Variants in SPAG17 observed in about 807,000 individuals in gnomAD.
SPAG17 encodes sperm-associated antigen 17.
A neutral mutation model predicts 273.6 loss-of-function variants in SPAG17; 169 were observed. That is an observed-to-expected ratio of 0.62 (90% CI 0.55 to 0.70). The LOEUF is 0.70. Ranked by LOEUF, SPAG17 falls within the 30% of genes least tolerant of loss-of-function variation. SPAG17 has a pLI of 0.00. For missense variants in SPAG17, 2,557 were observed against 2,627.8 expected (o/e 0.97, Z 0.59); for synonymous variants, 825 against 873.2 (o/e 0.94, Z 0.97).
intron 3 of SPAG17, among the ~76,000 whole-genome samples, chr1:118,122,588 A>T (rs1657485153): frequency 6.6e-6 from 1 of 152,178 alleles, no homozygotes; most frequent in Non-Finnish European, 1.5e-5. Context: ...GAATCCCTGT[A>T]TTCCACCGAG....
intron 3 of SPAG17, among the ~76,000 whole-genome samples, chr1:118,140,488 C>A (rs1558040330): frequency 1.3e-5 from 2 of 151,700 alleles, no homozygotes; most frequent in African/African-American, 4.8e-5. Flanking sequence ...TGTCAATTTA[C>A]AATAAAAAGG....
chr1:118,041,585 A>G (rs1252627460), intron 21 of SPAG17, among the ~76,000 whole-genome samples: 1 of 152,110 alleles, frequency 6.6e-6, no homozygotes, highest in Non-Finnish European at 1.5e-5. Context: ...GTGGCACTCA[A>G]ATAAAAACTG....
chr1:118,176,962 T>C (rs1251203959), intron 1 of SPAG17, among the ~76,000 whole-genome samples: 11 of 151,774 alleles, frequency 7.2e-5, no homozygotes, highest in Non-Finnish European at 1.6e-4. Context: ...AATTGGTCAA[T>C]GAAAAAATTA....
intron 4 of SPAG17, among the ~76,000 whole-genome samples, chr1:118,109,854 G>A (rs911181107): frequency 1.3e-5 from 2 of 152,040 alleles, no homozygotes; most frequent in Non-Finnish European, 2.9e-5. Context: ...TTGAGAGACC[G>A]TAGGTTAAAC....
intron 1 of SPAG17, among the ~76,000 whole-genome samples, chr1:118,176,120 A>G (rs1391703759): frequency 6.6e-6 from 1 of 152,204 alleles, no homozygotes; most frequent in Admixed American, 6.5e-5. Context: ...AAAAATAAAA[A>G]GAAACAAATT....
chr1:117,975,915 A>G (rs1203347333), intron 43 of SPAG17, among the ~76,000 whole-genome samples: 3 of 152,206 alleles, frequency 2.0e-5, no homozygotes, highest in Admixed American at 6.5e-5. Flanking sequence ...AATAGTAAAT[A>G]TGGTATGGAG....
intron 25 of SPAG17, among the ~76,000 whole-genome samples, chr1:118,031,451 A>C (rs1355269475): frequency 1.3e-5 from 2 of 152,174 alleles, no homozygotes; most frequent in Admixed American, 1.3e-4. Flanking sequence ...AAGTTTTTCC[A>C]AACTTAGAAT....
intron 2 of SPAG17, 28 bp from the exon 3 acceptor site, chr1:118,150,657 TG>T: frequency 7.9e-7 from 1 of 1,272,100 alleles, no homozygotes; most frequent in Non-Finnish European, 1.1e-6. Flanking sequence ...TTACTTATGA[TG>T]AAAAAAGCCT....
intron 1 of SPAG17, among the ~76,000 whole-genome samples, chr1:118,163,328 C>T (rs999071613): frequency 1.3e-5 from 2 of 152,150 alleles, no homozygotes; most frequent in African/African-American, 2.4e-5. Context: ...GCAGAGGTCA[C>T]TTGAAGAATT....
At chr1:118,179,895 T>C (rs1193238597) in intron 1 of SPAG17, among the ~76,000 whole-genome samples, 1 of 151,926 alleles carries the variant, frequency 6.6e-6, no homozygotes, top group Admixed American at 6.6e-5. Context: ...CAATGAGATA[T>C]CATCCCACCC....
chr1:118,009,548 G>A (rs867542617), intron 30 of SPAG17, among the ~76,000 whole-genome samples: 3 of 151,310 alleles, frequency 2.0e-5, no homozygotes, highest in African/African-American at 7.2e-5. Flanking sequence ...CCTTTCTGAC[G>A]AAAGACATGC....
intron 30 of SPAG17, among the ~76,000 whole-genome samples, chr1:118,010,950 G>A (rs534783907): frequency 6.6e-6 from 1 of 152,054 alleles, no homozygotes; most frequent in Non-Finnish European, 1.5e-5. Flanking sequence ...CATAAACGTG[G>A]CCAAAAAACA....
rs56768861 is a variant in SPAG17, at chr1:118,081,058, TACACACACACACAC to T, written c.2209+29_2209+42del. The T allele has an allele frequency of 6.8e-5, 82 of 1,213,766 alleles. No homozygotes were observed. In the African/African-American group the frequency reaches 7.9e-4, roughly 12 times the overall value. The allele number at this position is 1,213,766 out of a possible 1,614,324, so 75.2% of individuals were successfully genotyped here. On this transcript the variant is annotated intron_variant, in intron 15 of 48. Coordinates refer to ENST00000336338, the MANE Select transcript of SPAG17 (RefSeq NM_206996.4). ...ATTTATGTGTACTATAATAGTGTCT[TACACACACACACAC>T]ACACACACACACACACACTTTAACT...
At chr1:118,163,646 C>T (rs1384682406) in intron 1 of SPAG17, among the ~76,000 whole-genome samples, 1 of 150,774 alleles carries the variant, frequency 6.6e-6, no homozygotes, top group Non-Finnish European at 1.5e-5. Flanking sequence ...ACTCCTCTTT[C>T]CTCTCTATCC....
In SPAG17 at chr1:118,016,182, C is replaced by T. The variant is rs536885434; in HGVS notation, c.4070G>A (p.Gly1357Glu). The change falls in exon 29 of 49, where the codon GGA becomes GAA. Residue 1357 changes from glycine (G) to glutamate (E), a missense_variant and splice_region_variant. Physicochemically the swap from Gly to Glu is moderately conservative, Grantham distance 98. Coordinates refer to ENST00000336338, the MANE Select transcript of SPAG17 (RefSeq NM_206996.4). Reference sequence around the variant, plus strand: ...TGATGACTGACTTTTGTGACTTTTTCCTGTGAAGTTCAAGTAAAATCAAAC... The same window carrying T: ...TGATGACTGACTTTTGTGACTTTTTTCTGTGAAGTTCAAGTAAAATCAAAC... ...IPSEITNTKK[G>E]KSHKSQSSMA... 108 of 1,611,122 alleles carry T rather than the reference C, an allele frequency of 6.7e-5. 1 individual carries two copies. In the South Asian group the frequency reaches 1.0e-3, roughly 15 times the overall value.
intron 1 of SPAG17, among the ~76,000 whole-genome samples, chr1:118,172,496 T>C (rs1385700582): frequency 6.6e-6 from 1 of 152,164 alleles, no homozygotes; most frequent in East Asian, 1.9e-4. Flanking sequence ...AGATGCCCTT[T>C]TGCTACATGT....
rs1356405194 is a variant in SPAG17, at chr1:118,054,068, C to T, written c.2748G>A (p.Glu916=). 6.2e-7 allele frequency: 1 copy of T among 1,604,918 alleles called. No homozygotes were observed. Among genetic ancestry groups the T allele is most frequent in the Non-Finnish European group, 8.5e-7 (1 of 1,174,714 alleles). ...CTTTTTCTTTTTCTTGATCTGATAT[C>T]TCTGTTTTGCTGATTCCTTTGTTAC... ...SKSNKGISKT[E]ISDQEKEKEK... is the part of the protein sequence containing the mutation. Residue 916 remains glutamate, a synonymous_variant, in exon 20 of 49, where the codon GAG becomes GAA. Coordinates refer to ENST00000336338, the MANE Select transcript of SPAG17 (RefSeq NM_206996.4).
At chr1:118,135,095 T>G (rs1415172472) in intron 3 of SPAG17, among the ~76,000 whole-genome samples, 3 of 152,184 alleles carry the variant, frequency 2.0e-5, no homozygotes, top group African/African-American at 7.2e-5. Flanking sequence ...ATAAAAGAAT[T>G]AGCACACAAA....
intron 1 of SPAG17, among the ~76,000 whole-genome samples, chr1:118,165,644 TC>T (rs1286195613): frequency 1.8e-4 from 19 of 103,252 alleles, no homozygotes; most frequent in East Asian, 1.6e-3. Context: ...AAAAAAACTT[TC>T]TTTTTTTTTT....
Sources: allele counts gnomAD v4.1 joint callset (sites outside exome capture counted in the v4.1 genomes callset), GRCh38; gene constraint gnomAD v4.1.1; transcripts MANE v1.5; gene names NCBI Gene and HGNC (gene_info 2026-07-23, HGNC 2026-07-21).